SHISA9: variants seen among roughly 807,000 people sequenced by gnomAD.
The protein encoded by SHISA9 is protein shisa-9.
Under a neutral mutation model 38.0 loss-of-function variants are expected in SHISA9, and 13 were observed. That is an observed-to-expected ratio of 0.34 (90% CI 0.22 to 0.54). The LOEUF (loss-of-function observed/expected upper bound fraction) is 0.54, where lower values mean the gene tolerates loss of function less well. SHISA9 is among the 20% of genes least tolerant of loss of function. The pLI is 0.91. For synonymous variants in SHISA9, 275 were observed against 242.0 expected (o/e 1.14, Z -1.27); for missense variants, 538 against 575.8 (o/e 0.93, Z 0.67).
the SHISA9 span, among the ~76,000 whole-genome samples, chr16:13,521,931 T>G: frequency 3.3e-5 from 5 of 152,200 alleles, no homozygotes; most frequent in Non-Finnish European, 7.3e-5. Context: ...CCTCCTGAAG[T>G]TAACTTCATT....
chr16:13,014,688 G>A (rs2141856087), intron 2 of SHISA9, among the ~76,000 whole-genome samples: 1 of 152,302 alleles, frequency 6.6e-6, no homozygotes, highest in Middle Eastern at 3.4e-3. Flanking sequence ...AGAGCTGGGA[G>A]GAATTCTGAG....
the SHISA9 span, among the ~76,000 whole-genome samples, chr16:13,263,687 G>T: frequency 1.3e-5 from 2 of 152,162 alleles, no homozygotes; most frequent in Non-Finnish European, 2.9e-5. Flanking sequence ...GACTAATACA[G>T]TCAGGGACAT....
At chr16:13,476,677 C>T in the SHISA9 span, among the ~76,000 whole-genome samples, 1 of 150,542 alleles carries the variant, frequency 6.6e-6, no homozygotes, top group Non-Finnish European at 1.5e-5. Flanking sequence ...TCCCATCCCA[C>T]TTAGCCCCTC....
the SHISA9 span, among the ~76,000 whole-genome samples, chr16:13,476,500 G>C: frequency 1.3e-5 from 2 of 152,132 alleles, no homozygotes; most frequent in Non-Finnish European, 2.9e-5. Context: ...TGAACCCCTG[G>C]TGTTTGAGAG....
At chr16:13,061,355 C>A (rs2073373626) in intron 2 of SHISA9, among the ~76,000 whole-genome samples, 2 of 152,158 alleles carry the variant, frequency 1.3e-5, no homozygotes, top group Admixed American at 1.3e-4. Context: ...AGTTTTGATG[C>A]CTATTCTCCC....
chr16:13,551,387 G>A, the SHISA9 span, among the ~76,000 whole-genome samples: 2 of 152,092 alleles, frequency 1.3e-5, no homozygotes, highest in Admixed American at 1.3e-4. Context: ...TATGCATCCC[G>A]ACACACTTTG....
chr16:13,416,146 A>G, the SHISA9 span, among the ~76,000 whole-genome samples: 14 of 152,226 alleles, frequency 9.2e-5, no homozygotes, highest in Non-Finnish European at 1.9e-4. Flanking sequence ...AACCTCAAAA[A>G]GTAAAAAATA....
chr16:13,519,639 G>A, the SHISA9 span, among the ~76,000 whole-genome samples: 111 of 152,312 alleles, frequency 7.3e-4, no homozygotes, highest in Non-Finnish European at 1.3e-3. Flanking sequence ...ATAAAGGAAA[G>A]AGATTTAATT....
chr16:13,391,218 C>A, the SHISA9 span, among the ~76,000 whole-genome samples: 1 of 152,116 alleles, frequency 6.6e-6, no homozygotes, highest in Non-Finnish European at 1.5e-5. Flanking sequence ...GATGCTATAG[C>A]CCACATTATT....
chr16:13,514,148 C>T, the SHISA9 span, among the ~76,000 whole-genome samples: 75 of 152,098 alleles, frequency 4.9e-4, no homozygotes, highest in African/African-American at 1.7e-3. Flanking sequence ...GCAGGCACCA[C>T]CACACTCGGC....
the SHISA9 span, among the ~76,000 whole-genome samples, chr16:13,352,004 T>C: frequency 2.0e-5 from 3 of 152,158 alleles, no homozygotes; most frequent in Non-Finnish European, 4.4e-5. Context: ...CCGAATAGAA[T>C]GGCTTTCCTG....
At chr16:13,463,547 A>G in the SHISA9 span, among the ~76,000 whole-genome samples, 3 of 152,204 alleles carry the variant, frequency 2.0e-5, no homozygotes, top group African/African-American at 7.2e-5. Flanking sequence ...GATAATCTTG[A>G]TCTTGGCTTG....
At chr16:13,411,246 G>T in the SHISA9 span, among the ~76,000 whole-genome samples, 1 of 152,116 alleles carries the variant, frequency 6.6e-6, no homozygotes, top group Non-Finnish European at 1.5e-5. Flanking sequence ...CTACATAAAA[G>T]AAAAAATGGG....
At chr16:13,134,571 T>A (rs1441409443) in intron 2 of SHISA9, among the ~76,000 whole-genome samples, 1 of 151,820 alleles carries the variant, frequency 6.6e-6, no homozygotes, top group Non-Finnish European at 1.5e-5. Flanking sequence ...GGAAGGGAAA[T>A]GGGTTTGATG....
chr16:13,402,867 C>T, the SHISA9 span, among the ~76,000 whole-genome samples: 1 of 152,200 alleles, frequency 6.6e-6, no homozygotes, highest in Non-Finnish European at 1.5e-5. Context: ...GCCAGTCATT[C>T]CAGCACTTTG....
intron 2 of SHISA9, among the ~76,000 whole-genome samples, chr16:13,074,609 A>G (rs1423712994): frequency 6.6e-6 from 1 of 150,940 alleles, no homozygotes; most frequent in African/African-American, 2.4e-5. Context: ...GAGTACTGCT[A>G]TTTTTATTGT....
At chr16:13,381,463 A>C in the SHISA9 span, among the ~76,000 whole-genome samples, 4 of 152,336 alleles carry the variant, frequency 2.6e-5, no homozygotes, top group African/African-American at 9.6e-5. Context: ...TAGAACTAAG[A>C]AAAGATAGTC....
chr16:13,360,648 G>A, the SHISA9 span, among the ~76,000 whole-genome samples: 6 of 152,104 alleles, frequency 3.9e-5, no homozygotes, highest in South Asian at 2.1e-4. Context: ...ACCCAGTCTC[G>A]GGTATGTCTT....
At chr16:13,047,916 T>G (rs1279210340) in intron 2 of SHISA9, among the ~76,000 whole-genome samples, 1 of 152,182 alleles carries the variant, frequency 6.6e-6, no homozygotes. Flanking sequence ...TGTCCCTTCA[T>G]GTAGAGGGAC....
Sources: allele counts gnomAD v4.1 joint callset (sites outside exome capture counted in the v4.1 genomes callset), GRCh38; gene constraint gnomAD v4.1.1; transcripts MANE v1.5; gene names NCBI Gene and HGNC (gene_info 2026-07-23, HGNC 2026-07-21).